The following CFAP47 variants were observed in gnomAD, a reference collection of about 807,000 sequenced individuals.
CFAP47 encodes cilia and flagella associated protein 47.
Under a neutral mutation model 148.1 loss-of-function variants are expected in CFAP47, and 29 were observed. The observed-to-expected ratio is 0.20, with a 90% confidence interval of 0.15 to 0.27. The LOEUF (loss-of-function observed/expected upper bound fraction) is 0.27, where lower values mean the gene tolerates loss of function less well. Ranked by LOEUF, CFAP47 falls within the 10% of genes least tolerant of loss-of-function variation. The probability of loss-of-function intolerance (pLI) is 1.00; values close to 1 mark genes in which losing one functional copy is unlikely to be tolerated. For missense variants in CFAP47, 1,872 were observed against 1,697.5 expected (o/e 1.10, Z -1.81); for synonymous variants, 664 against 577.3 (o/e 1.15, Z -2.15).
intron 21 of CFAP47, among the ~76,000 whole-genome samples, chrX:36,003,413 T>C (rs904896714): frequency 9.2e-6 from 1 of 109,014 alleles, no homozygotes; most frequent in South Asian, 3.9e-4. Flanking sequence ...TTTTTTTTTT[T>C]CTTCTGATAC....
chrX:36,345,842 C>G (rs189085641), intron 57 of CFAP47, among the ~76,000 whole-genome samples: 89 of 111,484 alleles, frequency 8.0e-4, no homozygotes, highest in Non-Finnish European at 8.7e-4. Context: ...AACAATGTTA[C>G]TAGACCTTAG....
intron 33 of CFAP47, among the ~76,000 whole-genome samples, chrX:36,124,072 G>T (rs1272821374): frequency 1.8e-5 from 2 of 111,276 alleles, no homozygotes; most frequent in Middle Eastern, 4.7e-3. Context: ...GATGTGTCTA[G>T]AAGTAGTGTC....
chrX:36,273,595 A>G (rs181499248), intron 49 of CFAP47, among the ~76,000 whole-genome samples: 1 of 111,816 alleles, frequency 8.9e-6, no homozygotes, highest in Admixed American at 9.5e-5. Context: ...ACCAAGTTTT[A>G]TATTTATTTC....
intron 30 of CFAP47, 128 bp downstream of exon 30, chrX:36,085,666 CATAAATAT>C: frequency 2.0e-5 from 6 of 293,784 alleles, no homozygotes; most frequent in Middle Eastern, 1.1e-3. Context: ...CACACACACA[CATAAATAT>C]ACACACACGT....
At chrX:36,116,425 A>T (rs941798118) in intron 33 of CFAP47, among the ~76,000 whole-genome samples, 1 of 112,054 alleles carries the variant, frequency 8.9e-6, no homozygotes, top group Non-Finnish European at 1.9e-5. Context: ...TGTGGTTCGA[A>T]TTTCAATATA....
rs151027550 is a variant in CFAP47, at chrX:36,238,757, C to T, written c.7332+1898C>T. ...TAACCTTCTGATTTCAAGTTTCACG[C>T]ATCAAAAGCATCCTTATTTCTGTAT... On this transcript the variant is annotated intron_variant, in intron 48 of 63. Transcript: ENST00000378653. 5.4e-5 allele frequency among the ~76,000 whole-genome samples: 6 copies of T among 112,082 alleles called. No homozygotes were observed. In the East Asian group the frequency reaches 1.7e-3, roughly 32 times the overall value.
chrX:36,200,182 T>A (rs965947413), intron 42 of CFAP47, among the ~76,000 whole-genome samples, 197 bp from the exon 43 acceptor site: 4 of 112,158 alleles, frequency 3.6e-5, no homozygotes, highest in African/African-American at 1.3e-4. Context: ...TGTGCTCTGG[T>A]TGCAGGCAAA....
At chrX:36,079,102 T>C (rs888589475) in intron 29 of CFAP47, among the ~76,000 whole-genome samples, 3 of 111,591 alleles carry the variant, frequency 2.7e-5, no homozygotes, top group African/African-American at 6.5e-5. Flanking sequence ...CTCTGGCTGC[T>C]CTTAGCATTT....
At chrX:36,207,766 C>A (rs973489423) in intron 45 of CFAP47, among the ~76,000 whole-genome samples, 2 of 111,296 alleles carry the variant, frequency 1.8e-5, no homozygotes, top group Non-Finnish European at 3.8e-5. Context: ...CCTGTGGTTC[C>A]TGGGATGTTG....
rs191116180 is a variant in CFAP47, at chrX:36,280,716, G to A, written c.7588+86G>A. ...TTTGAATGAAATAGATAGTTTACAC[G>A]CATAATACATATCCAAATTTGTATT... On this transcript the variant is annotated intron_variant, in intron 50 of 63. Transcript: ENST00000378653. 190 of 355,629 alleles carry A rather than the reference G, an allele frequency of 5.3e-4. 2 individuals carry two copies. In the South Asian group the frequency reaches 0.012, roughly 23 times the overall value. The allele number at this position is 355,629 out of a possible 1,213,427, so 29.3% of individuals were successfully genotyped here.
intron 51 of CFAP47, among the ~76,000 whole-genome samples, chrX:36,293,543 G>T (rs1178973182): frequency 2.7e-5 from 3 of 111,715 alleles, no homozygotes; most frequent in Non-Finnish European, 5.6e-5. Flanking sequence ...AGAGAGAAGA[G>T]AATTTCCAAT....
rs1556016914 is a variant in CFAP47 at position 36,348,216 on chromosome X, T to C, written c.8531T>C (p.Ile2844Thr). The C allele has an allele frequency of 5.7e-6, 6 of 1,059,068 alleles. No homozygotes were observed. Among genetic ancestry groups the C allele is most frequent in the Non-Finnish European group, 6.1e-6 (5 of 816,977 alleles). The allele number at this position is 1,059,068 out of a possible 1,213,427, so 87.3% of individuals were successfully genotyped here. ...AAATTACACAAAACAATGGTTATTA[T>C]TGAGATGACGAAAGCAAATGGAAAA... is the stretch of plus-strand genomic sequence containing the variant. ...IMKLHKTMVI[I>T]EMTKANGKYW... Residue 2844 changes from isoleucine to threonine, a missense_variant, in exon 58 of 64, where the codon ATT becomes ACT. Transcript: ENST00000378653.
chrX:36,265,222 G>A (rs1940876384), intron 49 of CFAP47, among the ~76,000 whole-genome samples: 1 of 111,957 alleles, frequency 8.9e-6, no homozygotes, highest in African/African-American at 3.2e-5. Context: ...TTTTCCATGT[G>A]TAGAAATGCT....
chrX:35,963,401 A>T (rs1199699386), intron 8 of CFAP47, among the ~76,000 whole-genome samples: 3 of 111,276 alleles, frequency 2.7e-5, no homozygotes, highest in Non-Finnish European at 3.8e-5. Context: ...TATACAAACA[A>T]TTTCTATTTA....
chrX:35,942,418 A>G (rs897248091), intron 3 of CFAP47, among the ~76,000 whole-genome samples: 6 of 110,810 alleles, frequency 5.4e-5, no homozygotes, highest in Admixed American at 1.9e-4. Context: ...CTCACTTTCT[A>G]TGCTTTGGTT....
At chrX:36,171,882 C>T (rs1202529821) in intron 39 of CFAP47, among the ~76,000 whole-genome samples, 2 of 109,022 alleles carry the variant, frequency 1.8e-5, no homozygotes, top group African/African-American at 6.7e-5. Flanking sequence ...TATAAATTAC[C>T]TTGGGCAGTA....
chrX:36,298,839 A>G (rs937278748), intron 51 of CFAP47, 138 bp from the exon 52 acceptor site: 1 of 381,258 alleles, frequency 2.6e-6, no homozygotes, highest in African/African-American at 2.6e-5. Flanking sequence ...AGTGAGATAT[A>G]TTCAATAGTG....
At chrX:36,243,818 T>C in intron 48 of CFAP47, among the ~76,000 whole-genome samples, 1 of 107,224 alleles carries the variant, frequency 9.3e-6, no homozygotes. Flanking sequence ...GTCAGAAAAT[T>C]TAGAAAGAAG....
chrX:35,962,994 C>T (rs1261700092), intron 8 of CFAP47, among the ~76,000 whole-genome samples: 1 of 95,765 alleles, frequency 1.0e-5, no homozygotes, highest in African/African-American at 3.8e-5. Context: ...TACTATACAG[C>T]CTTAAAAAAA....
Sources: gnomAD v4.1 joint callset for allele counts (sites outside exome capture counted in the v4.1 genomes callset) on GRCh38, gnomAD v4.1.1 for gene constraint, MANE v1.5 for transcripts, NCBI Gene and HGNC (gene_info 2026-07-23, HGNC 2026-07-21) for gene names.